Variants in RIMS2 observed in about 807,000 individuals in gnomAD.
The protein encoded by RIMS2 is regulating synaptic membrane exocytosis 2.
Under a neutral mutation model 174.4 loss-of-function variants are expected in RIMS2, and 59 were observed. The observed-to-expected ratio is 0.34, with a 90% CI of 0.27 to 0.42. The LOEUF (loss-of-function observed/expected upper bound fraction) is 0.42, where lower values mean the gene tolerates loss of function less well. Ranked by LOEUF, RIMS2 falls within the 10% of genes least tolerant of loss-of-function variation. RIMS2 has a pLI of 1.00. For missense variants in RIMS2, 1,620 were observed against 1,666.3 expected (o/e 0.97, Z 0.48); for synonymous variants, 606 against 572.5 (o/e 1.06, Z -0.84).
At chr8:103,767,192 C>T (rs1564563295) in intron 3 of RIMS2, among the ~76,000 whole-genome samples, 1 of 138,560 alleles carries the variant, frequency 7.2e-6, no homozygotes, top group Non-Finnish European at 1.6e-5. Flanking sequence ...CTTTTTCTTT[C>T]TTTTTTTTTT....
chr8:104,242,207 G>C (rs1380486863), intron 19 of RIMS2, among the ~76,000 whole-genome samples: 1 of 151,930 alleles, frequency 6.6e-6, no homozygotes, highest in East Asian at 1.9e-4. Context: ...GCAGTTTTGG[G>C]TTGGGGGTGG....
chr8:103,957,538 A>G (rs997802142), intron 14 of RIMS2, among the ~76,000 whole-genome samples: 7 of 152,220 alleles, frequency 4.6e-5, no homozygotes, highest in African/African-American at 1.2e-4. Flanking sequence ...GTTCTCATTC[A>G]TAACTGGGAG....
rs576262568 is a variant in RIMS2 at position 104,074,925 on chromosome 8, G to A, written c.3334+60310G>A. 2.6e-5 allele frequency among the ~76,000 whole-genome samples: 4 copies of A among 152,250 alleles called. No homozygotes were observed. The South Asian group carries it at 6.2e-4, about 24-fold the overall frequency. ...GTTTATAAAAGGCAAGTTTTAAAAT[G>A]TAGATTAGATAGCCTTATATATATT... On this transcript the variant is annotated intron_variant, in intron 19 of 23. Coordinates refer to ENST00000504942, the Ensembl canonical transcript of RIMS2.
At chr8:103,751,241 C>G (rs1181116284) in intron 2 of RIMS2, among the ~76,000 whole-genome samples, 2 of 152,118 alleles carry the variant, frequency 1.3e-5, no homozygotes, top group East Asian at 1.9e-4. Context: ...ATGATGGTTT[C>G]CAGTTTCATC....
chr8:103,792,355 C>G lies in RIMS2; in HGVS notation c.698+25818C>G, dbSNP rs187037721. On this transcript the variant is annotated intron_variant, in intron 3 of 23. Coordinates refer to ENST00000504942, the Ensembl canonical transcript of RIMS2. Reference sequence around the variant, plus strand: ...ATAACGAAATGAAGGCAGAAATAAACATGTTCTTTGAAACCAATAAGAACA... The same window carrying G: ...ATAACGAAATGAAGGCAGAAATAAAGATGTTCTTTGAAACCAATAAGAACA... 1.6e-4 allele frequency among the ~76,000 whole-genome samples: 25 copies of G among 152,162 alleles called. No homozygotes were observed. In the South Asian group the frequency reaches 4.2e-3, roughly 25 times the overall value.
intron 19 of RIMS2, among the ~76,000 whole-genome samples, chr8:104,024,126 A>G (rs922598578): frequency 6.6e-6 from 1 of 152,174 alleles, no homozygotes; most frequent in Non-Finnish European, 1.5e-5. Context: ...AAAAATATCT[A>G]GAGCCGTGAG....
At position 104,247,321 on chromosome 8, in the gene RIMS2, T is replaced by C. The variant is rs138561190; in HGVS notation, c.3477-1380T>C. ...TCAAGGTGTCTGCAGGTTTGAGTTC[T>C]CCTGAGGCTCTTCTCCTTGGCTTGC... is the stretch of plus-strand genomic sequence containing the variant. On this transcript the variant is annotated intron_variant, in intron 20 of 23. Coordinates refer to ENST00000504942, the Ensembl canonical transcript of RIMS2. Among the ~76,000 whole-genome samples, 13 of 152,328 alleles carry C rather than the reference T, an allele frequency of 8.5e-5. No homozygotes were observed. The East Asian group carries it at 2.5e-3, about 29-fold the overall frequency.
chr8:104,140,251 C>G (rs537043695), intron 19 of RIMS2, among the ~76,000 whole-genome samples: 1 of 152,136 alleles, frequency 6.6e-6, no homozygotes, highest in East Asian at 1.9e-4. Context: ...ATATTTTTCT[C>G]TCTCTACATG....
chr8:103,525,886 C>T (rs373368866), intron 1 of RIMS2, among the ~76,000 whole-genome samples: 3 of 152,108 alleles, frequency 2.0e-5, no homozygotes, highest in East Asian at 3.8e-4. Context: ...CTGAGAACAA[C>T]TAGAAAAGCT....
chr8:103,551,736 A>G (rs566750912), intron 1 of RIMS2, among the ~76,000 whole-genome samples: 2 of 152,360 alleles, frequency 1.3e-5, no homozygotes, highest in Admixed American at 6.5e-5. Context: ...TAAGCTGATA[A>G]GCAACTTCAG....
At chr8:103,829,568 G>A (rs1035822814) in intron 3 of RIMS2, among the ~76,000 whole-genome samples, 6 of 152,116 alleles carry the variant, frequency 3.9e-5, no homozygotes, top group African/African-American at 1.4e-4. Context: ...AACATAGATC[G>A]AGTTGGAGGC....
chr8:104,067,764 C>T (rs1280686386), intron 19 of RIMS2, among the ~76,000 whole-genome samples: 1 of 152,076 alleles, frequency 6.6e-6, no homozygotes, highest in African/African-American at 2.4e-5. Context: ...TTGTTCTAAC[C>T]CAAATTTTTG....
chr8:104,209,247 CTT>C (rs2099094681), intron 19 of RIMS2, among the ~76,000 whole-genome samples: 1 of 152,166 alleles, frequency 6.6e-6, no homozygotes, highest in Admixed American at 6.5e-5. Context: ...TATTACAACA[CTT>C]AACACATAGG....
At chr8:103,678,725 T>G (rs1230240862) in intron 1 of RIMS2, among the ~76,000 whole-genome samples, 1 of 152,116 alleles carries the variant, frequency 6.6e-6, no homozygotes, top group Non-Finnish European at 1.5e-5. Flanking sequence ...CTATCGATTC[T>G]TTCTCAAAAT....
chr8:103,930,286 C>T (rs2079651710), intron 11 of RIMS2, among the ~76,000 whole-genome samples: 1 of 152,000 alleles, frequency 6.6e-6, no homozygotes, highest in South Asian at 2.1e-4. Flanking sequence ...AAGTGAGGGA[C>T]TCGACAAAGC....
chr8:103,904,312 C>A (rs143664371), intron 4 of RIMS2, among the ~76,000 whole-genome samples: 11 of 151,762 alleles, frequency 7.2e-5, no homozygotes, highest in Admixed American at 4.6e-4. Flanking sequence ...ATAGATATAC[C>A]ACAACTATTA....
intron 4 of RIMS2, among the ~76,000 whole-genome samples, chr8:103,893,476 C>T (rs1302705639): frequency 1.3e-4 from 20 of 152,066 alleles, no homozygotes; most frequent in Admixed American, 6.6e-4. Flanking sequence ...GGGAGATTAT[C>T]CATTTATTAG....
intron 19 of RIMS2, among the ~76,000 whole-genome samples, chr8:104,241,621 T>C (rs940553596): frequency 3.9e-5 from 6 of 152,174 alleles, no homozygotes; most frequent in Non-Finnish European, 7.3e-5. Flanking sequence ...CATGCTCAAA[T>C]GTCACTGAAG....
intron 1 of RIMS2, among the ~76,000 whole-genome samples, chr8:103,665,464 A>G (rs1222953071): frequency 2.0e-5 from 3 of 152,252 alleles, no homozygotes; most frequent in Non-Finnish European, 4.4e-5. Context: ...TTCTGGCATC[A>G]AGTCTTTTTT....
Sources: gnomAD v4.1 joint callset for allele counts (sites outside exome capture counted in the v4.1 genomes callset) on GRCh38, gnomAD v4.1.1 for gene constraint, MANE v1.5 for transcripts, NCBI Gene and HGNC (gene_info 2026-07-23, HGNC 2026-07-21) for gene names.